Variants in AKAP19 observed in about 807,000 individuals in gnomAD.
The protein encoded by AKAP19 is small A-kinase anchoring protein.
chr2:189,993,888 A>T, the AKAP19 span, among the ~76,000 whole-genome samples: 1 of 150,784 alleles, frequency 6.6e-6, no homozygotes, highest in Admixed American at 6.6e-5. Context: ...CTTATTTTGG[A>T]TCTTCTCTCT....
chr2:190,058,768 T>C, the AKAP19 span, among the ~76,000 whole-genome samples: 40 of 152,130 alleles, frequency 2.6e-4, no homozygotes, highest in Admixed American at 7.9e-4. Flanking sequence ...CATACGTTCT[T>C]ACTTACAAGT....
the AKAP19 span, among the ~76,000 whole-genome samples, chr2:190,005,264 T>G: frequency 6.6e-6 from 1 of 152,116 alleles, no homozygotes; most frequent in Non-Finnish European, 1.5e-5. Flanking sequence ...GTGGCCAGCT[T>G]TTATTCCCTT....
the AKAP19 span, among the ~76,000 whole-genome samples, chr2:189,977,209 C>T: frequency 6.6e-6 from 1 of 152,182 alleles, no homozygotes; most frequent in Non-Finnish European, 1.5e-5. Context: ...AAGGCTAGTA[C>T]AAATTTGTTC....
At chr2:189,994,710 T>C in the AKAP19 span, among the ~76,000 whole-genome samples, 5 of 152,116 alleles carry the variant, frequency 3.3e-5, no homozygotes, top group African/African-American at 4.8e-5. Flanking sequence ...GCAATTCTCC[T>C]CCCTCAGCCT....
the AKAP19 span, among the ~76,000 whole-genome samples, chr2:190,171,947 A>G: frequency 6.6e-6 from 1 of 152,236 alleles, no homozygotes; most frequent in African/African-American, 2.4e-5. Context: ...AATTTACCCT[A>G]GATCTATTCA....
At chr2:190,156,555 A>G in the AKAP19 span, among the ~76,000 whole-genome samples, 16,458 of 152,238 alleles carry the variant, frequency 0.11, 968 homozygotes, top group Admixed American at 0.14. Flanking sequence ...GATTTGGACT[A>G]TACTAAAGTG....
chr2:190,005,106 G>A, the AKAP19 span, among the ~76,000 whole-genome samples: 1 of 152,202 alleles, frequency 6.6e-6, no homozygotes, highest in Non-Finnish European at 1.5e-5. Context: ...CAGGAGTGAA[G>A]CTGTGGACCT....
At chr2:189,899,678 T>A in the AKAP19 span, among the ~76,000 whole-genome samples, 4 of 152,344 alleles carry the variant, frequency 2.6e-5, no homozygotes, top group East Asian at 7.7e-4. Context: ...TTGCCCTTTT[T>A]CATCTCTGTT....
At chr2:189,974,592 C>A in the AKAP19 span, among the ~76,000 whole-genome samples, 3 of 152,090 alleles carry the variant, frequency 2.0e-5, no homozygotes, top group Non-Finnish European at 4.4e-5. Context: ...TAAAGTCTCC[C>A]ATTATTATTG....
chr2:190,124,834 A>G, the AKAP19 span, among the ~76,000 whole-genome samples: 1 of 152,070 alleles, frequency 6.6e-6, no homozygotes, highest in Non-Finnish European at 1.5e-5. Context: ...TTTTTTCTTT[A>G]TGCCCTTACT....
chr2:189,973,125 TA>T, the AKAP19 span, among the ~76,000 whole-genome samples: 8 of 152,342 alleles, frequency 5.3e-5, no homozygotes, highest in Admixed American at 5.2e-4. Flanking sequence ...GGGTTTGTCA[TA>T]AATAGCTCTT....
At chr2:190,192,166 G>C in the AKAP19 span, among the ~76,000 whole-genome samples, 3 of 151,994 alleles carry the variant, frequency 2.0e-5, no homozygotes, top group Non-Finnish European at 4.4e-5. Context: ...TGGGGGGAGA[G>C]TATGTGAATG....
the AKAP19 span, chr2:189,923,887 G>A: frequency 5.6e-6 from 9 of 1,611,410 alleles, no homozygotes; most frequent in Non-Finnish European, 7.6e-6. Context: ...AGGCCATTAA[G>A]AGGGAGCTGA....
At chr2:189,987,944 C>T in the AKAP19 span, among the ~76,000 whole-genome samples, 1 of 151,768 alleles carries the variant, frequency 6.6e-6, no homozygotes, top group African/African-American at 2.4e-5. Context: ...TATTATTACT[C>T]AATTCAGTCT....
At chr2:190,199,662 G>GTAAC in the AKAP19 span, 1 of 1,353,646 alleles carries the variant, frequency 7.4e-7, no homozygotes, top group South Asian at 1.7e-5. Context: ...TTTGCATTCT[G>GTAAC]TAACTTCAAA....
At chr2:189,997,851 C>T in the AKAP19 span, among the ~76,000 whole-genome samples, 1 of 152,114 alleles carries the variant, frequency 6.6e-6, no homozygotes, top group Admixed American at 6.6e-5. Flanking sequence ...TTACAAAGTT[C>T]GGTTGAAAGT....
the AKAP19 span, among the ~76,000 whole-genome samples, chr2:190,002,867 C>T: frequency 2.0e-5 from 3 of 152,150 alleles, no homozygotes; most frequent in Non-Finnish European, 2.9e-5. Flanking sequence ...TTGTAAATGT[C>T]GTCCACGGAA....
the AKAP19 span, among the ~76,000 whole-genome samples, chr2:189,957,280 TCTTA>T: frequency 1.4e-4 from 22 of 152,368 alleles, no homozygotes; most frequent in African/African-American, 5.0e-4. Context: ...TTTCTCTGAC[TCTTA>T]CTTCCGTTAC....
At chr2:190,084,775 T>TA in the AKAP19 span, among the ~76,000 whole-genome samples, 1 of 152,224 alleles carries the variant, frequency 6.6e-6, no homozygotes, top group Non-Finnish European at 1.5e-5. Flanking sequence ...ATTTTCTTGC[T>TA]AAATGGACTT....
Sources: gnomAD v4.1 joint callset for allele counts (sites outside exome capture counted in the v4.1 genomes callset) on GRCh38, gnomAD v4.1.1 for gene constraint, MANE v1.5 for transcripts, NCBI Gene and HGNC (gene_info 2026-07-23, HGNC 2026-07-21) for gene names.